PLEKHA5: variants seen among roughly 807,000 people sequenced by gnomAD.
PLEKHA5 encodes the protein pleckstrin homology domain-containing family A member 5.
A neutral mutation model predicts 181.9 loss-of-function variants in PLEKHA5; 55 were observed. The ratio of observed to expected loss-of-function variants is 0.30; its 90% CI spans 0.24 to 0.38. PLEKHA5 has a LOEUF of 0.38. Among genes scored for constraint, PLEKHA5 ranks in the 10% least tolerant of loss-of-function variants. The probability of loss-of-function intolerance (pLI) is 1.00; values close to 1 mark genes in which losing one functional copy is unlikely to be tolerated. For missense variants in PLEKHA5, 1,432 were observed against 1,549.5 expected, an observed-to-expected ratio of 0.92 and a Z score of 1.27; for synonymous variants, 535 against 529.4, an observed-to-expected ratio of 1.01 and a Z score of -0.15.
At chr12:19,217,969 T>C (rs1651601741) in intron 3 of PLEKHA5, among the ~76,000 whole-genome samples, 1 of 152,196 alleles carries the variant, frequency 6.6e-6, no homozygotes, top group African/African-American at 2.4e-5. Flanking sequence ...AAAACAACAA[T>C]AAATGTTTCT....
intron 21 of PLEKHA5, among the ~76,000 whole-genome samples, chr12:19,342,378 C>T (rs1399043054): frequency 6.6e-6 from 1 of 151,926 alleles, no homozygotes; most frequent in African/African-American, 2.4e-5. Flanking sequence ...GAAAATTGGC[C>T]GGGCGCGGTG....
At chr12:19,192,245 T>C (rs561536827) in intron 3 of PLEKHA5, among the ~76,000 whole-genome samples, 71 of 152,276 alleles carry the variant, frequency 4.7e-4, no homozygotes, top group African/African-American at 1.6e-3. Flanking sequence ...CTACTTTTCA[T>C]AGGAAACTTG....
chr12:19,255,884 G>GAAAAAAAAA (rs60570882), intron 5 of PLEKHA5, among the ~76,000 whole-genome samples: 1 of 91,864 alleles, frequency 1.1e-5, no homozygotes, highest in African/African-American at 4.0e-5. Flanking sequence ...TGGAAGATTT[G>GAAAAAAAAA]AAAAAAAAAA....
intron 3 of PLEKHA5, among the ~76,000 whole-genome samples, chr12:19,179,401 A>T (rs867387428): frequency 3.9e-5 from 6 of 152,354 alleles, no homozygotes; most frequent in Middle Eastern, 3.4e-3. Flanking sequence ...TCACACCTGT[A>T]ATCCCAGCAC....
intron 15 of PLEKHA5, among the ~76,000 whole-genome samples, chr12:19,291,979 A>T (rs1427449260): frequency 1.3e-5 from 2 of 152,002 alleles, no homozygotes; most frequent in African/African-American, 4.8e-5. Context: ...TAAAACACCT[A>T]CTCCTTGAGG....
chr12:19,158,269 C>T (rs903697541), intron 3 of PLEKHA5, among the ~76,000 whole-genome samples: 2 of 151,866 alleles, frequency 1.3e-5, no homozygotes, highest in East Asian at 1.9e-4. Context: ...AGGAGAATGA[C>T]GTGAACCCAG....
intron 6 of PLEKHA5, among the ~76,000 whole-genome samples, chr12:19,257,954 A>G (rs146230880): frequency 6.6e-6 from 1 of 152,056 alleles, no homozygotes; most frequent in Admixed American, 6.5e-5. Flanking sequence ...TCCCCCCTTT[A>G]TACAGAAATT....
chr12:19,333,609 T>TC (rs1392734362), intron 20 of PLEKHA5, among the ~76,000 whole-genome samples: 5 of 56,920 alleles, frequency 8.8e-5, no homozygotes, highest in Admixed American at 4.9e-4. Flanking sequence ...TCATTCATTC[T>TC]CTTTTTTTTT....
rs1180876751 is a variant in PLEKHA5, at chr12:19,302,611, G to T, written c.2037+10914G>T. ...GGGGTTTCACCATGTTAGCCAGGCT[G>T]GTCTTGAACTCCTGACCTCAAGTGG... On this transcript the variant is annotated intron_variant, in intron 15 of 31. Transcript: ENST00000429027. Among the ~76,000 whole-genome samples the T allele has an allele frequency of 2.0e-5, 3 of 151,908 alleles. No homozygotes were observed. The East Asian group carries it at 5.8e-4, about 29-fold the overall frequency.
chr12:19,252,760 A>T (rs2065692948), intron 3 of PLEKHA5, among the ~76,000 whole-genome samples: 1 of 152,118 alleles, frequency 6.6e-6, no homozygotes, highest in Non-Finnish European at 1.5e-5. Flanking sequence ...GTGTCAAAAA[A>T]TTAATCTCAT....
chr12:19,340,931 C>A (rs1480152226), intron 21 of PLEKHA5, among the ~76,000 whole-genome samples: 1 of 138,094 alleles, frequency 7.2e-6, no homozygotes, highest in African/African-American at 2.6e-5. Context: ...CGAGAAACAC[C>A]CAAGAATGAT....
chr12:19,157,794 A>T (rs564855628), intron 3 of PLEKHA5, among the ~76,000 whole-genome samples: 78 of 152,248 alleles, frequency 5.1e-4, no homozygotes, highest in African/African-American at 1.8e-3. Flanking sequence ...ACCCAAAAAG[A>T]TTTTTTATCA....
At chr12:19,197,220 G>A (rs2053021583) in intron 3 of PLEKHA5, among the ~76,000 whole-genome samples, 1 of 152,128 alleles carries the variant, frequency 6.6e-6, no homozygotes, top group Admixed American at 6.5e-5. Flanking sequence ...GTTTCATGCT[G>A]CTTTCATGAC....
At chr12:19,248,112 A>C (rs1205638151) in intron 3 of PLEKHA5, among the ~76,000 whole-genome samples, 1 of 152,116 alleles carries the variant, frequency 6.6e-6, no homozygotes, top group Non-Finnish European at 1.5e-5. Flanking sequence ...AGTCCCAGCT[A>C]CTTGAGAGGC....
intron 3 of PLEKHA5, among the ~76,000 whole-genome samples, chr12:19,240,045 A>T (rs1012279918): frequency 6.6e-6 from 1 of 152,240 alleles, no homozygotes; most frequent in South Asian, 2.1e-4. Flanking sequence ...TTTTTGTATC[A>T]TAGGAATATC....
chr12:19,322,036 T>G (rs1376778303), intron 18 of PLEKHA5, among the ~76,000 whole-genome samples: 1 of 152,190 alleles, frequency 6.6e-6, no homozygotes, highest in Non-Finnish European at 1.5e-5. Flanking sequence ...TTGTTTATAT[T>G]ATTTTCTAAG....
chr12:19,367,358 C>T (rs545398779), intron 30 of PLEKHA5, among the ~76,000 whole-genome samples: 2 of 140,740 alleles, frequency 1.4e-5, no homozygotes, highest in African/African-American at 5.3e-5. Context: ...CAGGTTCAAG[C>T]GATTCTCCTG....
At chr12:19,198,024 C>T (rs768724187) in intron 3 of PLEKHA5, among the ~76,000 whole-genome samples, 37 of 152,164 alleles carry the variant, frequency 2.4e-4, no homozygotes, top group Non-Finnish European at 3.2e-4. Context: ...ATCTCTGCCA[C>T]ACCTCTCGTC....
intron 21 of PLEKHA5, among the ~76,000 whole-genome samples, chr12:19,342,735 C>A (rs966954137): frequency 6.6e-6 from 1 of 152,008 alleles, no homozygotes; most frequent in African/African-American, 2.4e-5. Flanking sequence ...TGAGAGCTTG[C>A]CACTGCACTC....
Sources: gnomAD v4.1 joint callset for allele counts (sites outside exome capture counted in the v4.1 genomes callset) on GRCh38, gnomAD v4.1.1 for gene constraint, MANE v1.5 for transcripts, NCBI Gene and HGNC (gene_info 2026-07-23, HGNC 2026-07-21) for gene names.